SH2D4B: variants seen among roughly 807,000 people sequenced by gnomAD.
SH2D4B encodes SH2 domain-containing protein 4B.
A neutral mutation model predicts 61.5 loss-of-function variants in SH2D4B; 45 were observed. The ratio of observed to expected loss-of-function variants is 0.73; its 90% CI spans 0.58 to 0.94. SH2D4B has a LOEUF of 0.94. Ranked by LOEUF, SH2D4B falls within the 40% of genes least tolerant of loss-of-function variation. The pLI is 0.00. For missense variants in SH2D4B, 572 were observed against 574.2 expected, an observed-to-expected ratio of 1.00 and a Z score of 0.04; for synonymous variants, 224 against 220.4, an observed-to-expected ratio of 1.02 and a Z score of -0.14.
chr10:80,600,553 G>GTGTGTGTGTGTT (rs10677995), intron 4 of SH2D4B, among the ~76,000 whole-genome samples: 1 of 150,906 alleles, frequency 6.6e-6, no homozygotes, highest in Non-Finnish European at 1.5e-5. Flanking sequence ...GTGTGTGTGT[G>GTGTGTGTGTGTT]CTGGGGAAGG....
chr10:80,552,638 A>C (rs1841776942), intron 1 of SH2D4B, among the ~76,000 whole-genome samples: 1 of 152,196 alleles, frequency 6.6e-6, no homozygotes, highest in Non-Finnish European at 1.5e-5. Flanking sequence ...GCTGGGTGGA[A>C]GTAGCAGGTT....
At chr10:80,557,486 T>C (rs1356328541) in intron 1 of SH2D4B, among the ~76,000 whole-genome samples, 3 of 152,194 alleles carry the variant, frequency 2.0e-5, no homozygotes, top group Middle Eastern at 3.2e-3. Flanking sequence ...AATTTACCAG[T>C]AATGTCTTTC....
At chr10:80,634,538 G>C in intron 7 of SH2D4B, 33 bp downstream of exon 7, 1 of 1,533,774 alleles carries the variant, frequency 6.5e-7, no homozygotes, top group Admixed American at 2.0e-5. Context: ...TGGGGGGGAG[G>C]GGGAACTGGT....
At chr10:80,575,963 G>A (rs959861650) in intron 3 of SH2D4B, among the ~76,000 whole-genome samples, 13 of 152,152 alleles carry the variant, frequency 8.5e-5, no homozygotes, top group East Asian at 3.8e-4. Flanking sequence ...AAGTCTGTTC[G>A]GGAAGAAAAC....
chr10:80,575,180 G>A (rs1842110320), intron 3 of SH2D4B, among the ~76,000 whole-genome samples: 1 of 150,184 alleles, frequency 6.7e-6, no homozygotes, highest in Non-Finnish European at 1.5e-5. Context: ...TACCACATTT[G>A]CCTTCTCTCT....
At chr10:80,621,718 A>T (rs1452187220) in intron 6 of SH2D4B, among the ~76,000 whole-genome samples, 4 of 152,100 alleles carry the variant, frequency 2.6e-5, no homozygotes, top group Non-Finnish European at 5.9e-5. Flanking sequence ...TCTACTGCTG[A>T]TGGTCCACAG....
At chr10:80,610,838 A>G (rs1842588692) in intron 6 of SH2D4B, among the ~76,000 whole-genome samples, 5 of 152,088 alleles carry the variant, frequency 3.3e-5, no homozygotes, top group Admixed American at 3.3e-4. Context: ...TTCAGACTTT[A>G]GTCTGCGCCT....
chr10:80,563,624 A>G (rs1841933550), intron 1 of SH2D4B, among the ~76,000 whole-genome samples: 1 of 151,160 alleles, frequency 6.6e-6, no homozygotes, highest in Non-Finnish European at 1.5e-5. Flanking sequence ...ATATATGATG[A>G]TTTACCATTA....
chr10:80,612,182 C>CTTTTTTTTTTTTT (rs796771295), intron 6 of SH2D4B, among the ~76,000 whole-genome samples: 1 of 62,994 alleles, frequency 1.6e-5, no homozygotes, highest in Non-Finnish European at 3.1e-5. Flanking sequence ...CCCACTCCTG[C>CTTTTTTTTTTTTT]TTTTTTTTTT....
chr10:80,611,175 C>CAAA (rs35997031), intron 6 of SH2D4B, among the ~76,000 whole-genome samples: 18 of 45,040 alleles, frequency 4.0e-4, no homozygotes, highest in Non-Finnish European at 5.3e-4. Context: ...GACTCAGTCT[C>CAAA]AAAAAAAAAA....
chr10:80,609,492 A>G lies in SH2D4B; in HGVS notation c.929A>G (p.Gln310Arg), dbSNP rs151233961. The change falls in exon 6 of 8, where the codon CAG becomes CGG. Residue 310 changes from glutamine (Q) to arginine (R), a missense_variant. Transcript: ENST00000646907. The stretch of plus-strand genomic sequence containing the variant: ...ATCGTCCGCTGGTTTAAGGAGGAGC[A>G]GCTGCCTCGCCGAGCTGGCTTCGAG... ...DVIVRWFKEE[Q>R]LPRRAGFERN... The G allele has an allele frequency of 5.6e-6, 9 of 1,614,100 alleles. No individual in the cohort carries two copies. The African/African-American group carries it at 1.2e-4, about 22-fold the overall frequency.
intron 3 of SH2D4B, among the ~76,000 whole-genome samples, chr10:80,575,742 T>G (rs11186128): frequency 0.098 from 14,876 of 152,218 alleles, 867 homozygotes; most frequent in Admixed American, 0.18. Context: ...GCCACTGCAC[T>G]CCAGCCTAGG....
intron 4 of SH2D4B, 117 bp from the exon 5 acceptor site, chr10:80,603,462 T>C: frequency 1.0e-6 from 1 of 956,292 alleles, no homozygotes; most frequent in Non-Finnish European, 1.5e-6. Flanking sequence ...GTCATCGCGA[T>C]TTTTTGCCAC....
intron 4 of SH2D4B, among the ~76,000 whole-genome samples, chr10:80,595,037 TA>T (rs1347228479): frequency 2.0e-5 from 3 of 152,114 alleles, no homozygotes; most frequent in Admixed American, 6.6e-5. Context: ...AAAAAAAAAT[TA>T]AAAAAATTTA....
chr10:80,558,087 A>G (rs563609398), intron 1 of SH2D4B, among the ~76,000 whole-genome samples: 74 of 152,042 alleles, frequency 4.9e-4, no homozygotes, highest in African/African-American at 1.7e-3. Context: ...TTTTTTTTTA[A>G]AATTCATGGG....
At chr10:80,626,519 A>C (rs766884279) in intron 6 of SH2D4B, among the ~76,000 whole-genome samples, 1 of 152,176 alleles carries the variant, frequency 6.6e-6, no homozygotes, top group Non-Finnish European at 1.5e-5. Context: ...CTCGGATTCT[A>C]TATATGTTAG....
rs1841673376 is a variant in SH2D4B at position 80,546,002 on chromosome 10, C to T, written c.184+7487C>T. On this transcript the variant is annotated intron_variant, in intron 1 of 7. Coordinates refer to ENST00000646907, the MANE Select transcript of SH2D4B (RefSeq NM_001388272.1). The stretch of plus-strand genomic sequence containing the variant: ...TCCATTTTCTTATTTTCTCTCCTTT[C>T]TCTCTCTCTTTCTTTCTTTCTCTTT... Among the ~76,000 whole-genome samples, 2 of 146,852 alleles carry T rather than the reference C, an allele frequency of 1.4e-5. 1 individual carries two copies. Among genetic ancestry groups the T allele is most frequent in the South Asian group, 4.3e-4 (2 of 4,668 alleles).
intron 1 of SH2D4B, among the ~76,000 whole-genome samples, chr10:80,544,277 A>G (rs1271108556): frequency 6.6e-6 from 1 of 152,200 alleles, no homozygotes; most frequent in Admixed American, 6.5e-5. Context: ...AAAGGTCCGC[A>G]GCTTCACTCC....
chr10:80,538,429 AG>A lies in SH2D4B; in HGVS notation c.100del (p.Glu34SerfsTer3). On this transcript the variant is annotated frameshift_variant, in exon 1 of 8. Transcript: ENST00000646907. LOFTEE classifies it high-confidence loss of function. This position sits in a 1 kb window ranked among gnomAD's most constrained non-coding sequence, Gnocchi z 4.8. ...QKHILFYKMR[E>X]EQLRRWKERE... is the part of the protein sequence containing the mutation. Reference sequence around the variant, plus strand: ...CACATCCTCTTCTACAAAATGCGGGAGGAGCAGCTGAGGCGCTGGAAGGAGC... The same window carrying A: ...CACATCCTCTTCTACAAAATGCGGGAGAGCAGCTGAGGCGCTGGAAGGAGC... 1.3e-6 allele frequency: 2 copies of A among 1,496,460 alleles called. No homozygotes were observed. Among genetic ancestry groups the A allele is most frequent in the Non-Finnish European group, 1.8e-6 (2 of 1,120,994 alleles). The allele number at this position is 1,496,460 out of a possible 1,614,324, so 92.7% of individuals were successfully genotyped here.
Sources: gnomAD v4.1 joint callset for allele counts (sites outside exome capture counted in the v4.1 genomes callset) on GRCh38, gnomAD v4.1.1 for gene constraint, Gnocchi (gnomAD v3.1) non-coding constraint, MANE v1.5 for transcripts, NCBI Gene and HGNC (gene_info 2026-07-23, HGNC 2026-07-21) for gene names.